Variants in RAB5B observed in about 807,000 individuals in gnomAD.
The protein encoded by RAB5B is RAB5B, member RAS oncogene family.
In RAB5B, 11 loss-of-function variants were observed where a neutral mutation model predicts 28.6. The observed-to-expected ratio is 0.38, with a 90% confidence interval of 0.24 to 0.64. RAB5B has a LOEUF of 0.64. Ranked by LOEUF, RAB5B falls within the 30% of genes least tolerant of loss-of-function variation. The pLI, the probability that RAB5B is intolerant of heterozygous loss-of-function variation, is 0.53. For synonymous variants in RAB5B, 93 were observed against 97.9 expected (o/e 0.95, Z 0.29); for missense variants, 169 against 265.6 (o/e 0.64, Z 2.53).
Position 55,996,003 on chromosome 12 carries a change from A to ATATATATATATTTTTTTTTTTTTTTTT in RAB5B, c.*3792_*3793insATATATATATTTTTTTTTTTTTTTTTT. On this transcript the variant is annotated 3_prime_UTR_variant, in exon 6 of 6. Coordinates refer to ENST00000360299, the MANE Select transcript of RAB5B (RefSeq NM_002868.4). ...TATATACATATATATATATATATAT[A>ATATATATATATTTTTTTTTTTTTTTTT]TTTTTTTTTTAACAACTGGTAGGAT... The ATATATATATATTTTTTTTTTTTTTTTT allele has an allele frequency of 4.1e-5, 4 of 97,406 alleles. No homozygotes were observed. Among genetic ancestry groups the ATATATATATATTTTTTTTTTTTTTTTT allele is most frequent in the African/African-American group, 1.4e-4 (3 of 21,148 alleles). 6.0% of individuals were successfully genotyped at this position (97,406 alleles called of 1,614,324 possible).
intron 2 of RAB5B, 144 bp from the exon 3 acceptor site, chr12:55,989,803 A>G (rs1400472821): frequency 1.1e-6 from 1 of 940,946 alleles, no homozygotes; most frequent in African/African-American, 1.6e-5. Context: ...ACATGTAAGG[A>G]GAACTCAAAA....
chr12:55,991,002 A>G (rs948284616), intron 4 of RAB5B, 198 bp downstream of exon 4: 1 of 680,914 alleles, frequency 1.5e-6, no homozygotes. Flanking sequence ...AGAAAACTCC[A>G]GAGCAGAGGG....
chr12:55,992,508 T>TA lies in RAB5B; in HGVS notation c.*297dup, dbSNP rs1167825192. 4 of 554,166 alleles carry TA rather than the reference T, an allele frequency of 7.2e-6. No homozygotes were observed. Among genetic ancestry groups the TA allele is most frequent in the South Asian group, 6.1e-5 (4 of 65,390 alleles). The allele number at this position is 554,166 out of a possible 1,614,324, so 34.3% of individuals were successfully genotyped here. A position where few individuals can be genotyped will look rare whatever the true frequency, so the allele number is the denominator to read the frequency against. ...GTATTATAGGTACAAGACAGCGACT[T>TA]ACGTATCTTTTCTCCTCCTCCCTAG... On this transcript the variant is annotated 3_prime_UTR_variant, in exon 6 of 6. Transcript: ENST00000360299.
At chr12:55,978,508 A>C (rs1273893207) in intron 1 of RAB5B, among the ~76,000 whole-genome samples, 7 of 149,228 alleles carry the variant, frequency 4.7e-5, no homozygotes, top group Middle Eastern at 3.4e-3. Flanking sequence ...CGTCTCAGGA[A>C]AAAAAAAAAA....
chr12:55,977,077 C>T (rs188629085), intron 1 of RAB5B, among the ~76,000 whole-genome samples: 18 of 152,216 alleles, frequency 1.2e-4, no homozygotes, highest in Admixed American at 2.0e-4. Flanking sequence ...TAGGTTCACG[C>T]GATTCTCCTG....
chr12:55,988,565 G>A (rs554028979), intron 2 of RAB5B, among the ~76,000 whole-genome samples: 1 of 152,180 alleles, frequency 6.6e-6, no homozygotes, highest in South Asian at 2.1e-4. Flanking sequence ...GTGCAGTGGT[G>A]CAATCTTGGC....
At chr12:55,977,067 T>C (rs1022458500) in intron 1 of RAB5B, among the ~76,000 whole-genome samples, 9 of 152,036 alleles carry the variant, frequency 5.9e-5, no homozygotes, top group Admixed American at 4.6e-4. Context: ...GTCTGCCTCC[T>C]AGGTTCACGC....
Position 55,994,799 on chromosome 12 carries a change from C to G in RAB5B, c.*2587C>G, listed in dbSNP as rs940734601. 7.9e-5 allele frequency: 12 copies of G among 152,026 alleles called. No individual in the cohort carries two copies. Among genetic ancestry groups the G allele is most frequent in the African/African-American group, 2.9e-4 (12 of 41,340 alleles). The allele number at this position is 152,026 out of a possible 1,614,324, so 9.4% of individuals were successfully genotyped here. ...TACTAGGAATTTGGAAGAAAGGATA[C>G]CCAGTAATGTTCTACTGAATCAGAA... On this transcript the variant is annotated 3_prime_UTR_variant, in exon 6 of 6. Coordinates refer to ENST00000360299, the MANE Select transcript of RAB5B (RefSeq NM_002868.4).
rs577733309 is a variant in RAB5B, at chr12:55,985,631, A to T, written c.-92-1238A>T. The T allele has an allele frequency of 8.2e-5, 37 of 451,896 alleles. No homozygotes were observed. In the East Asian group the frequency reaches 2.6e-3, roughly 32 times the overall value. 28.0% of individuals were successfully genotyped at this position (451,896 alleles called of 1,614,324 possible). A position where few individuals can be genotyped will look rare whatever the true frequency, so the allele number is the denominator to read the frequency against. ...TCTTAGCCCTCTTAGAAGATAGAGG[A>T]GCTGATTCAGTGTATTCTTTCATCA... On this transcript the variant is annotated intron_variant, in intron 1 of 5. Transcript: ENST00000360299.
intron 1 of RAB5B, among the ~76,000 whole-genome samples, chr12:55,982,151 A>G (rs984799699): frequency 5.1e-4 from 78 of 152,012 alleles, no homozygotes; most frequent in African/African-American, 1.8e-3. Context: ...CTTCTGAGCT[A>G]AAAAGGTTGA....
chr12:55,991,560 T>A, intron 5 of RAB5B, 107 bp downstream of exon 5: 2 of 861,628 alleles, frequency 2.3e-6, no homozygotes, highest in Non-Finnish European at 3.8e-6. Context: ...GCAAAAACTT[T>A]AGGTATGGAA....
At chr12:55,976,659 T>G (rs1203911799) in intron 1 of RAB5B, among the ~76,000 whole-genome samples, 1 of 152,166 alleles carries the variant, frequency 6.6e-6, no homozygotes, top group African/African-American at 2.4e-5. Context: ...GTATTTGTCT[T>G]TCTTTTCTTT....
rs534367008 is a variant in RAB5B, at chr12:55,990,237, G to T, written c.315+139G>T. On this transcript the variant is annotated intron_variant, in intron 3 of 5. Transcript: ENST00000360299. ...ATCCTGGCCAACATGGTGAAACCCCGTCTCTACTAAAATTACAAAAATTAG... is the reference window on the plus strand; with the variant it reads ...ATCCTGGCCAACATGGTGAAACCCCTTCTCTACTAAAATTACAAAAATTAG... 5.1e-6 allele frequency: 5 copies of T among 970,966 alleles called. No homozygotes were observed. In the African/African-American group the frequency reaches 8.3e-5, roughly 16 times the overall value. 60.1% of individuals were successfully genotyped at this position (970,966 alleles called of 1,614,324 possible). A position where few individuals can be genotyped will look rare whatever the true frequency, so the allele number is the denominator to read the frequency against.
intron 3 of RAB5B, chr12:55,990,347 G>T (rs1303385310): frequency 2.1e-6 from 1 of 470,394 alleles, no homozygotes; most frequent in African/African-American, 2.0e-5. Context: ...GGCGGAGGTT[G>T]CAGTGAGCCG....
intron 1 of RAB5B, among the ~76,000 whole-genome samples, chr12:55,982,627 G>T (rs1365924723): frequency 6.6e-6 from 1 of 152,176 alleles, no homozygotes; most frequent in African/African-American, 2.4e-5. Context: ...ATTAGGGTAC[G>T]AGGTAGTCTT....
intron 1 of RAB5B, among the ~76,000 whole-genome samples, chr12:55,976,783 C>T (rs893717446): frequency 2.6e-5 from 4 of 152,088 alleles, no homozygotes; most frequent in African/African-American, 9.7e-5. Context: ...AATCGGTTTT[C>T]CTCTAAATCT....
chr12:55,985,577 C>T (rs949246844), intron 1 of RAB5B: 9 of 367,720 alleles, frequency 2.4e-5, no homozygotes, highest in African/African-American at 6.4e-5. Context: ...CCCAACTCTT[C>T]TCTCTGTTCC....
At chr12:55,980,472 C>T (rs1178828733) in intron 1 of RAB5B, 27 of 1,592,434 alleles carry the variant, frequency 1.7e-5, no homozygotes, top group Non-Finnish European at 2.2e-5. Flanking sequence ...GTTTTCAGGT[C>T]AGTACTGGGA....
chr12:55,989,888 G>T, intron 2 of RAB5B, 59 bp from the exon 3 acceptor site: 1 of 1,545,940 alleles, frequency 6.5e-7, no homozygotes, highest in Non-Finnish European at 8.9e-7. Context: ...AGGGGGGGAG[G>T]GATGTTCCCA....
Sources: gnomAD v4.1 joint callset for allele counts (sites outside exome capture counted in the v4.1 genomes callset) on GRCh38, gnomAD v4.1.1 for gene constraint, MANE v1.5 for transcripts, NCBI Gene and HGNC (gene_info 2026-07-23, HGNC 2026-07-21) for gene names.